Variants in SLCO1B1 observed in about 807,000 individuals in gnomAD.
SLCO1B1 encodes the protein solute carrier organic anion transporter family member 1B1, also known as OATP-2.
In SLCO1B1, 81 loss-of-function variants were observed where a neutral mutation model predicts 70.1. The observed-to-expected ratio is 1.16, with a 90% CI of 0.97 to 1.39. The LOEUF is 1.39. SLCO1B1 is among the 40% of genes most tolerant of loss of function. The probability of loss-of-function intolerance (pLI) is 0.00; values close to 1 mark genes in which losing one functional copy is unlikely to be tolerated. For synonymous variants in SLCO1B1, 283 were observed against 271.5 expected (o/e 1.04, Z -0.42); for missense variants, 895 against 799.6 (o/e 1.12, Z -1.44).
chr12:21,179,921 G>T (rs1940873226), intron 7 of SLCO1B1, among the ~76,000 whole-genome samples: 1 of 151,934 alleles, frequency 6.6e-6, no homozygotes, highest in African/African-American at 2.4e-5. Flanking sequence ...CAAGCACCTA[G>T]GAAAATATCA....
intron 2 of SLCO1B1, among the ~76,000 whole-genome samples, chr12:21,152,022 T>G (rs1391084459): frequency 6.6e-6 from 1 of 152,122 alleles, no homozygotes; most frequent in African/African-American, 2.4e-5. Context: ...ATGTATATGC[T>G]ATACCTTTTT....
Position 21,142,307 on chromosome 12 carries a change from C to T in SLCO1B1, c.84+649C>T, listed in dbSNP as rs1940321872. On this transcript the variant is annotated intron_variant, in intron 2 of 14. Coordinates refer to ENST00000256958, the MANE Select transcript of SLCO1B1 (RefSeq NM_006446.5). The stretch of plus-strand genomic sequence containing the variant: ...TAAGTGATGCTGGCATTTTTATAAA[C>T]AGGAATGAGTACTCCTAAGCACAAT... 2.0e-5 allele frequency among the ~76,000 whole-genome samples: 3 copies of T among 151,828 alleles called. No homozygotes were observed. In the South Asian group the frequency reaches 6.2e-4, roughly 31 times the overall value.
chr12:21,179,909 A>G (rs4762698), intron 7 of SLCO1B1, among the ~76,000 whole-genome samples: 130,445 of 151,976 alleles, frequency 0.86, 56,373 homozygotes, highest in East Asian at 1. Context: ...CCTCTTTAGA[A>G]CCAAGCACCT....
In SLCO1B1 at chr12:21,172,698, G is replaced by A. The variant is rs555367334; in HGVS notation, c.133G>A (p.Ala45Thr). 9.3e-6 allele frequency: 15 copies of A among 1,613,744 alleles called. No homozygotes were observed. The Admixed American group carries it at 1.5e-4, about 16-fold the overall frequency. The change falls in exon 3 of 15, where the codon GCA (alanine) becomes ACA (threonine). Residue 45 changes from alanine (A) to threonine (T), a missense_variant. Transcript: ENST00000256958. ...SLSFIAKTLG[A>T]IIMKSSIIHI... ...CAGCTTTATTGCTAAGACACTAGGT[G>A]CAATTATTATGAAAAGTTCCATCAT...
chr12:21,185,276 A>C (rs1054187148), intron 7 of SLCO1B1, among the ~76,000 whole-genome samples: 2 of 152,126 alleles, frequency 1.3e-5, no homozygotes, highest in Non-Finnish European at 2.9e-5. Context: ...AACATCCTAC[A>C]GAATACTCCA....
At chr12:21,159,297 G>A (rs562783736) in intron 2 of SLCO1B1, among the ~76,000 whole-genome samples, 4 of 152,080 alleles carry the variant, frequency 2.6e-5, no homozygotes, top group East Asian at 3.9e-4. Flanking sequence ...CCAAATTAGA[G>A]TTTAAATAGC....
chr12:21,214,763 T>C (rs1040387756), intron 11 of SLCO1B1, among the ~76,000 whole-genome samples: 1 of 152,174 alleles, frequency 6.6e-6, no homozygotes, highest in Admixed American at 6.5e-5. Flanking sequence ...TGTAATCTCG[T>C]GGTGCGCCGT....
intron 11 of SLCO1B1, among the ~76,000 whole-genome samples, chr12:21,214,812 A>G (rs1941338350): frequency 6.6e-6 from 1 of 152,012 alleles, no homozygotes; most frequent in Admixed American, 6.5e-5. Flanking sequence ...TTCGGGTGGG[A>G]GTGACCCGAT....
Position 21,174,649 on chromosome 12 carries a change from G to T in SLCO1B1, c.299G>T (p.Gly100Val), listed in dbSNP as rs1940797319. 1.2e-6 allele frequency: 2 copies of T among 1,612,152 alleles called. No individual in the cohort carries two copies. Among genetic ancestry groups the T allele is most frequent in the South Asian group, 2.2e-5 (2 of 90,988 alleles). The change falls in exon 4 of 15, where the codon GGT becomes GTT. Residue 100 changes from glycine to valine, a missense_variant. By Grantham distance (109) the Gly-to-Val change is moderately radical. Transcript: ENST00000256958. ...KLHRPKLIGI[G>V]CFIMGIGGVL... Reference sequence around the variant, plus strand: ...CATAGACCAAAGTTAATTGGAATCGGTTGTTTCATTATGGGAATTGGAGGT... The same window carrying T: ...CATAGACCAAAGTTAATTGGAATCGTTTGTTTCATTATGGGAATTGGAGGT...
At chr12:21,144,247 A>G (rs1000454645) in intron 2 of SLCO1B1, among the ~76,000 whole-genome samples, 2 of 152,188 alleles carry the variant, frequency 1.3e-5, no homozygotes, top group African/African-American at 4.8e-5. Context: ...CTGAAATTAA[A>G]TATTTTACTA....
chr12:21,138,848 T>G (rs1335871758), intron 1 of SLCO1B1, among the ~76,000 whole-genome samples: 2 of 152,156 alleles, frequency 1.3e-5, no homozygotes, highest in African/African-American at 4.8e-5. Flanking sequence ...TGTGGTTTCA[T>G]GTGTCTGCAG....
intron 2 of SLCO1B1, among the ~76,000 whole-genome samples, chr12:21,156,060 T>C (rs1042568804): frequency 1.3e-5 from 2 of 152,156 alleles, no homozygotes; most frequent in Non-Finnish European, 2.9e-5. Context: ...TAGCCATGTA[T>C]TTTAATAGGG....
chr12:21,219,660 G>A (rs1941399357), intron 12 of SLCO1B1, among the ~76,000 whole-genome samples: 1 of 152,142 alleles, frequency 6.6e-6, no homozygotes, highest in African/African-American at 2.4e-5. Flanking sequence ...TTCTCAAGAT[G>A]GAAGCTTGAT....
intron 11 of SLCO1B1, among the ~76,000 whole-genome samples, chr12:21,213,100 T>C (rs1565440745): frequency 6.6e-6 from 1 of 152,092 alleles, no homozygotes; most frequent in Non-Finnish European, 1.5e-5. Context: ...AATTTGATCC[T>C]GTCTTTATGA....
chr12:21,139,243 G>A (rs932033203), intron 1 of SLCO1B1, among the ~76,000 whole-genome samples: 2 of 151,962 alleles, frequency 1.3e-5, no homozygotes, highest in Non-Finnish European at 2.9e-5. Context: ...GATAGAAACA[G>A]ATATTCATGG....
intron 1 of SLCO1B1, among the ~76,000 whole-genome samples, chr12:21,137,249 G>T (rs1490532737): frequency 6.6e-6 from 1 of 152,160 alleles, no homozygotes; most frequent in African/African-American, 2.4e-5. Flanking sequence ...CTACTGGGGG[G>T]TGCCTCCCAG....
rs143748839 is a variant in SLCO1B1, at chr12:21,231,629, G to A, written c.1865+6790G>A. The stretch of plus-strand genomic sequence containing the variant: ...AGAAGAGAAAAAGCACAAAGGTCTT[G>A]TATATAGATATATACACACACAGAC... On this transcript the variant is annotated intron_variant, in intron 14 of 14. Transcript: ENST00000256958. Among the ~76,000 whole-genome samples, 8 of 151,876 alleles carry A rather than the reference G, an allele frequency of 5.3e-5. No individual in the cohort carries two copies. The East Asian group carries it at 5.8e-4, about 11-fold the overall frequency.
intron 2 of SLCO1B1, among the ~76,000 whole-genome samples, chr12:21,163,502 C>G (rs1409011165): frequency 1.3e-5 from 2 of 152,110 alleles, no homozygotes; most frequent in African/African-American, 4.8e-5. Flanking sequence ...AAATTGCAAA[C>G]TCTGTCTTCT....
At chr12:21,163,410 A>AT (rs1208072127) in intron 2 of SLCO1B1, among the ~76,000 whole-genome samples, 1 of 152,104 alleles carries the variant, frequency 6.6e-6, no homozygotes, top group African/African-American at 2.4e-5. Flanking sequence ...TAAGTGGGTA[A>AT]TTTTGAACAC....
Sources: gnomAD v4.1 joint callset for allele counts (sites outside exome capture counted in the v4.1 genomes callset) on GRCh38, gnomAD v4.1.1 for gene constraint, MANE v1.5 for transcripts, NCBI Gene and HGNC (gene_info 2026-07-23, HGNC 2026-07-21) for gene names.